Variants in TLCD4 observed in about 807,000 individuals in gnomAD.
TLCD4 encodes the protein TLC domain containing 4, also known as TLC domain-containing protein 4.
Under a neutral mutation model 24.2 loss-of-function variants are expected in TLCD4, and 7 were observed. The observed-to-expected ratio is 0.29, with a 90% confidence interval of 0.16 to 0.54. The LOEUF (loss-of-function observed/expected upper bound fraction) is 0.54. Ranked by LOEUF, TLCD4 falls within the 20% of genes least tolerant of loss-of-function variation. The pLI, the probability that TLCD4 is intolerant of heterozygous loss-of-function variation, is 0.95. For missense variants in TLCD4, 259 were observed against 313.9 expected, an observed-to-expected ratio of 0.82 and a Z score of 1.32; for synonymous variants, 103 against 106.4, an observed-to-expected ratio of 0.97 and a Z score of 0.20.
At chr1:95,154,837 T>C (rs1226570331) in intron 5 of TLCD4, among the ~76,000 whole-genome samples, 1 of 148,918 alleles carries the variant, frequency 6.7e-6, no homozygotes, top group African/African-American at 2.4e-5. Flanking sequence ...TAATAGGTAA[T>C]AGACTGACCC....
chr1:95,195,363 T>C lies in TLCD4; in HGVS notation c.*3495T>C, dbSNP rs1273466410. On this transcript the variant is annotated 3_prime_UTR_variant, in exon 7 of 7. Transcript: ENST00000370203. ...GTCGTTTTTAAGGGAAATAAACATG[T>C]TCCAAAAGATGCTGTTAAAATAAAT... 6.6e-6 allele frequency: 1 copy of C among 152,198 alleles called. No homozygotes were observed. Among genetic ancestry groups the C allele is most frequent in the Admixed American group, 6.6e-5 (1 of 15,266 alleles). 9.4% of individuals were successfully genotyped at this position (152,198 alleles called of 1,614,324 possible).
upstream of TLCD4, among the ~76,000 whole-genome samples, chr1:95,116,774 G>T (rs1466819865): frequency 6.6e-6 from 1 of 152,178 alleles, no homozygotes; most frequent in African/African-American, 2.4e-5. Context: ...GAGGGGTTCC[G>T]GGTGTAGGTG....
the TLCD4 span, among the ~76,000 whole-genome samples, chr1:95,107,777 T>C: frequency 2.0e-5 from 3 of 152,220 alleles, no homozygotes; most frequent in Non-Finnish European, 4.4e-5. Flanking sequence ...TTTTATATGC[T>C]GATAAACAGT....
At chr1:95,168,889 C>G (rs910332466) in intron 5 of TLCD4, among the ~76,000 whole-genome samples, 2 of 152,178 alleles carry the variant, frequency 1.3e-5, no homozygotes, top group African/African-American at 4.8e-5. Context: ...GCTAAGTACT[C>G]TCACAGATAA....
At chr1:95,096,551 G>T in the TLCD4 span, among the ~76,000 whole-genome samples, 1 of 152,172 alleles carries the variant, frequency 6.6e-6, no homozygotes, top group Non-Finnish European at 1.5e-5. Flanking sequence ...AGGAAATCAT[G>T]ACCCAGATAT....
the TLCD4 span, among the ~76,000 whole-genome samples, chr1:95,093,468 G>A: frequency 3.3e-5 from 5 of 152,180 alleles, no homozygotes; most frequent in African/African-American, 1.2e-4. Context: ...GTCATATCTG[G>A]ATGTATCAGA....
At chr1:95,115,597 G>A (rs1167655469), upstream of TLCD4, among the ~76,000 whole-genome samples, 2 of 152,160 alleles carry the variant, frequency 1.3e-5, no homozygotes, top group Admixed American at 6.5e-5. Flanking sequence ...TATATGTTCT[G>A]TACAATCTCA....
intron 1 of TLCD4, among the ~76,000 whole-genome samples, chr1:95,136,158 A>G (rs774418498): frequency 5.9e-5 from 9 of 151,964 alleles, no homozygotes; most frequent in Non-Finnish European, 1.0e-4. Context: ...GTACTTTGGT[A>G]TGTAATTAAT....
chr1:95,124,005 G>A (rs567125054), intron 1 of TLCD4, among the ~76,000 whole-genome samples: 1 of 152,302 alleles, frequency 6.6e-6, no homozygotes, highest in African/African-American at 2.4e-5. Context: ...TGAAAGCGCA[G>A]CGTTAGATGT....
chr1:95,134,064 C>G (rs1676978805), intron 1 of TLCD4, among the ~76,000 whole-genome samples: 1 of 151,770 alleles, frequency 6.6e-6, no homozygotes, highest in Non-Finnish European at 1.5e-5. Flanking sequence ...GAAAGAAGGC[C>G]CTGGTCAACA....
intron 1 of TLCD4, among the ~76,000 whole-genome samples, chr1:95,128,093 C>T (rs1203790988): frequency 1.3e-5 from 2 of 152,020 alleles, no homozygotes; most frequent in Non-Finnish European, 2.9e-5. Context: ...AGAGTAACAC[C>T]GAAAAAAGTT....
intron 5 of TLCD4, among the ~76,000 whole-genome samples, chr1:95,171,732 A>C (rs1678235349): frequency 6.6e-6 from 1 of 152,194 alleles, no homozygotes; most frequent in Non-Finnish European, 1.5e-5. Context: ...TAGGGAGATA[A>C]AACAGAACAT....
At chr1:95,164,561 C>T (rs1311510905) in intron 5 of TLCD4, 2 of 152,250 alleles carry the variant, frequency 1.3e-5, no homozygotes, top group African/African-American at 4.8e-5. Flanking sequence ...CAGAAGTCAC[C>T]CGTCTTCTGT....
chr1:95,154,711 G>A (rs929252537), intron 5 of TLCD4, among the ~76,000 whole-genome samples: 7 of 151,854 alleles, frequency 4.6e-5, no homozygotes, highest in Non-Finnish European at 7.4e-5. Flanking sequence ...TGTCTTATAA[G>A]CAAATAATCA....
chr1:95,156,586 T>C (rs1194149336), intron 5 of TLCD4, among the ~76,000 whole-genome samples: 2 of 152,186 alleles, frequency 1.3e-5, no homozygotes, highest in Non-Finnish European at 2.9e-5. Flanking sequence ...GGGAAGAGGA[T>C]ATCTTTTAGG....
intron 5 of TLCD4, among the ~76,000 whole-genome samples, chr1:95,167,602 G>A (rs559077135): frequency 1.2e-4 from 18 of 152,148 alleles, no homozygotes; most frequent in South Asian, 2.1e-4. Context: ...CTGACGCACG[G>A]TAATCTAAGC....
At chr1:95,144,259 A>G (rs1461653706) in intron 2 of TLCD4, among the ~76,000 whole-genome samples, 1 of 152,206 alleles carries the variant, frequency 6.6e-6, no homozygotes, top group Non-Finnish European at 1.5e-5. Flanking sequence ...GTTAGGAGAA[A>G]TTTACTTAAG....
chr1:95,177,954 T>C (rs1389068476), intron 6 of TLCD4, among the ~76,000 whole-genome samples: 1 of 149,806 alleles, frequency 6.7e-6, no homozygotes, highest in African/African-American at 2.5e-5. Flanking sequence ...TTTTTTTGTT[T>C]TTTTTTGTTT....
At chr1:95,159,788 T>C (rs1571753818) in intron 5 of TLCD4, among the ~76,000 whole-genome samples, 1 of 152,216 alleles carries the variant, frequency 6.6e-6, no homozygotes, top group Non-Finnish European at 1.5e-5. Flanking sequence ...CTTGTTTTTG[T>C]CAGGTTTCTC....
Sources: gnomAD v4.1 joint callset for allele counts (sites outside exome capture counted in the v4.1 genomes callset) on GRCh38, gnomAD v4.1.1 for gene constraint, MANE v1.5 for transcripts, NCBI Gene and HGNC (gene_info 2026-07-23, HGNC 2026-07-21) for gene names.